ASCC3: variants seen among roughly 807,000 people sequenced by gnomAD.
ASCC3 encodes activating signal cointegrator 1 complex subunit 3.
A neutral mutation model predicts 256.3 loss-of-function variants in ASCC3; 158 were observed. The ratio of observed to expected loss-of-function variants is 0.62; its 90% CI spans 0.54 to 0.70. The LOEUF (loss-of-function observed/expected upper bound fraction) is 0.70. ASCC3 is among the 30% of genes least tolerant of loss of function. The probability of loss-of-function intolerance (pLI) is 0.00; values close to 1 mark genes in which losing one functional copy is unlikely to be tolerated. For missense variants in ASCC3, 2,259 were observed against 2,626.0 expected (o/e 0.86, Z 3.05); for synonymous variants, 948 against 883.4 (o/e 1.07, Z -1.30).
intron 36 of ASCC3, among the ~76,000 whole-genome samples, chr6:100,542,149 T>C (rs1312699577): frequency 2.6e-5 from 4 of 152,166 alleles, no homozygotes; most frequent in Admixed American, 6.5e-5. Flanking sequence ...TGATATAAAC[T>C]ATAAATCTAT....
chr6:100,677,674 C>A (rs1016566687), intron 14 of ASCC3, among the ~76,000 whole-genome samples: 1 of 151,550 alleles, frequency 6.6e-6, no homozygotes, highest in African/African-American at 2.4e-5. Flanking sequence ...TACCTACTAT[C>A]AGACAAATAC....
At chr6:100,687,237 T>C (rs895679511) in intron 13 of ASCC3, among the ~76,000 whole-genome samples, 1 of 152,108 alleles carries the variant, frequency 6.6e-6, no homozygotes, top group African/African-American at 2.4e-5. Context: ...CCCTCCAAAT[T>C]AGTTATCTCA....
At chr6:100,538,530 C>G (rs1239609147) in intron 37 of ASCC3, among the ~76,000 whole-genome samples, 1 of 152,012 alleles carries the variant, frequency 6.6e-6, no homozygotes, top group African/African-American at 2.4e-5. Flanking sequence ...AACATTCAAA[C>G]ATTTAAGAAC....
intron 4 of ASCC3, among the ~76,000 whole-genome samples, chr6:100,846,421 A>G (rs1772385913): frequency 6.6e-6 from 1 of 152,196 alleles, no homozygotes. Flanking sequence ...ACTATACAGA[A>G]CTACCACTCA....
At chr6:100,679,497 TAAC>T in intron 14 of ASCC3, 118 bp downstream of exon 14, 1 of 1,401,518 alleles carries the variant, frequency 7.1e-7, no homozygotes, top group Admixed American at 1.7e-5. Flanking sequence ...GTCAAGATTA[TAAC>T]ATCATAAATC....
At chr6:100,777,449 GC>G (rs1205273550) in intron 8 of ASCC3, among the ~76,000 whole-genome samples, 2 of 151,928 alleles carry the variant, frequency 1.3e-5, no homozygotes, top group Non-Finnish European at 2.9e-5. Flanking sequence ...CTGTCATGTA[GC>G]TTACATTCTA....
intron 36 of ASCC3, among the ~76,000 whole-genome samples, chr6:100,541,313 A>G (rs1201410037): frequency 6.6e-6 from 1 of 152,140 alleles, no homozygotes; most frequent in Non-Finnish European, 1.5e-5. Flanking sequence ...AAAAAGACAA[A>G]AACCTATGAA....
intron 34 of ASCC3, among the ~76,000 whole-genome samples, chr6:100,599,775 T>C (rs1582530450): frequency 1.3e-5 from 2 of 152,110 alleles, no homozygotes; most frequent in East Asian, 3.9e-4. Context: ...GAGAATTATG[T>C]CTCTGTGTGC....
chr6:100,843,304 C>CAA (rs1435131592), intron 4 of ASCC3, among the ~76,000 whole-genome samples: 9 of 152,152 alleles, frequency 5.9e-5, no homozygotes, highest in African/African-American at 1.9e-4. Flanking sequence ...TGCTTGACAT[C>CAA]AGACACATAT....
intron 10 of ASCC3, among the ~76,000 whole-genome samples, chr6:100,727,676 CAACAAA>C (rs755990250): frequency 6.6e-4 from 98 of 149,220 alleles, no homozygotes; most frequent in South Asian, 1.7e-3. Context: ...ACAACAACAA[CAACAAA>C]AAAGGGTCTA....
At chr6:100,810,012 G>A (rs936046205) in intron 4 of ASCC3, among the ~76,000 whole-genome samples, 3 of 152,010 alleles carry the variant, frequency 2.0e-5, no homozygotes, top group African/African-American at 4.8e-5. Flanking sequence ...TAATACCATG[G>A]TTTAAAATCC....
chr6:100,857,886 A>G (rs1773032378), intron 3 of ASCC3: 2 of 151,182 alleles, frequency 1.3e-5, no homozygotes, highest in African/African-American at 4.9e-5. Flanking sequence ...ACACATACAC[A>G]CACACACACA....
intron 36 of ASCC3, among the ~76,000 whole-genome samples, chr6:100,585,852 C>A (rs923575976): frequency 8.5e-5 from 13 of 152,314 alleles, no homozygotes; most frequent in Middle Eastern, 3.4e-3. Context: ...CCACTCCAGA[C>A]CCTGTTTGCC....
intron 28 of ASCC3, 52 bp downstream of exon 28, chr6:100,627,790 C>A: frequency 6.2e-7 from 1 of 1,611,414 alleles, no homozygotes; most frequent in Middle Eastern, 1.7e-4. Flanking sequence ...TAAAAGGAAT[C>A]ATCAAAGTAA....
intron 36 of ASCC3, among the ~76,000 whole-genome samples, chr6:100,567,643 T>A (rs984472303): frequency 6.6e-6 from 1 of 152,210 alleles, no homozygotes; most frequent in African/African-American, 2.4e-5. Flanking sequence ...CACTTATAGG[T>A]GAGAACCTGC....
At position 100,848,409 on chromosome 6, in the gene ASCC3, G is replaced by A. The variant is rs74857103; in HGVS notation, c.540C>T (p.Asp180=). 2,449 of 1,613,094 alleles carry A rather than the reference G, an allele frequency of 1.5e-3. 8 individuals carry two copies. Among genetic ancestry groups the A allele is most frequent in the African/African-American group, 8.8e-3 (658 of 74,858 alleles). ...SFDMHDLDHF[D]ELPINGETQK... ...GAGTTTCACCATTTATTGGCAGTTC[G>A]TCAAAGTGGTCCAAATCATGCATGT... The change falls in exon 4 of 42, where the codon GAC becomes GAT. Residue 180 remains aspartate, a synonymous_variant. Transcript: ENST00000369162.
chr6:100,764,574 T>C (rs1781563571), intron 10 of ASCC3, among the ~76,000 whole-genome samples: 1 of 152,226 alleles, frequency 6.6e-6, no homozygotes, highest in Admixed American at 6.5e-5. Flanking sequence ...CCTATCATAG[T>C]AGTTTTCAAA....
intron 36 of ASCC3, among the ~76,000 whole-genome samples, chr6:100,571,974 T>C (rs911346188): frequency 5.6e-4 from 85 of 152,220 alleles, no homozygotes; most frequent in Non-Finnish European, 1.5e-4. Flanking sequence ...TATACACAAA[T>C]GGTGGTGACA....
chr6:100,651,257 T>C (rs1775654844), intron 19 of ASCC3, among the ~76,000 whole-genome samples: 1 of 151,936 alleles, frequency 6.6e-6, no homozygotes, highest in Admixed American at 6.6e-5. Context: ...CAGGTACTTT[T>C]ACATTTTCTT....
Sources: allele counts gnomAD v4.1 joint callset (sites outside exome capture counted in the v4.1 genomes callset), GRCh38; gene constraint gnomAD v4.1.1; transcripts MANE v1.5; gene names NCBI Gene and HGNC (gene_info 2026-07-23, HGNC 2026-07-21).